MAML3: variants seen among roughly 807,000 people sequenced by gnomAD.
MAML3 encodes mastermind-like protein 3.
Under a neutral mutation model 101.9 loss-of-function variants are expected in MAML3, and 27 were observed. That is an observed-to-expected ratio of 0.27 (90% confidence interval 0.20 to 0.37). The LOEUF is 0.37. Ranked by LOEUF, MAML3 falls within the 10% of genes least tolerant of loss-of-function variation. MAML3 has a pLI of 1.00. For missense variants in MAML3, 1,316 were observed against 1,444.9 expected (o/e 0.91, Z 1.45); for synonymous variants, 501 against 555.9 (o/e 0.90, Z 1.39).
intron 2 of MAML3, among the ~76,000 whole-genome samples, chr4:139,778,549 T>A (rs76182145): frequency 0.013 from 2,039 of 152,344 alleles, 58 homozygotes; most frequent in African/African-American, 0.046. Flanking sequence ...CCTGTCAGGA[T>A]GAATTGAAGT....
chr4:139,793,294 C>T (rs938041397), intron 2 of MAML3, among the ~76,000 whole-genome samples: 13 of 152,168 alleles, frequency 8.5e-5, no homozygotes, highest in African/African-American at 2.4e-4. Context: ...TGTGCGAACT[C>T]CCCGTACAGG....
chr4:139,925,042 T>C (rs1733193358), intron 1 of MAML3, among the ~76,000 whole-genome samples: 1 of 152,136 alleles, frequency 6.6e-6, no homozygotes. Context: ...CAAAACATGA[T>C]TTCAGCTTCC....
chr4:139,944,225 T>C (rs1733663068), intron 1 of MAML3, among the ~76,000 whole-genome samples: 1 of 151,948 alleles, frequency 6.6e-6, no homozygotes, highest in African/African-American at 2.4e-5. Context: ...CATGTGCACA[T>C]TGTGCAGGTT....
chr4:140,084,530 T>C (rs1171441849), intron 1 of MAML3, among the ~76,000 whole-genome samples: 1 of 152,188 alleles, frequency 6.6e-6, no homozygotes, highest in African/African-American at 2.4e-5. Flanking sequence ...GTTTATTTAT[T>C]CCTAAATTCT....
intron 1 of MAML3, among the ~76,000 whole-genome samples, chr4:140,014,071 T>C (rs940821437): frequency 6.6e-6 from 1 of 152,230 alleles, no homozygotes; most frequent in African/African-American, 2.4e-5. Context: ...TGGAACCATC[T>C]TTCTGTGATC....
chr4:140,020,585 C>G (rs1726716684), intron 1 of MAML3, among the ~76,000 whole-genome samples: 4 of 152,106 alleles, frequency 2.6e-5, no homozygotes, highest in Non-Finnish European at 5.9e-5. Flanking sequence ...GCATCAAACT[C>G]TCTTTGTTTA....
intron 1 of MAML3, among the ~76,000 whole-genome samples, chr4:139,922,171 A>G (rs1423054776): frequency 6.6e-6 from 1 of 151,876 alleles, no homozygotes; most frequent in East Asian, 1.9e-4. Context: ...GTTTGGAAAG[A>G]CACCCGCCTG....
chr4:139,982,283 A>G (rs1734458284), intron 1 of MAML3, among the ~76,000 whole-genome samples: 1 of 152,204 alleles, frequency 6.6e-6, no homozygotes, highest in South Asian at 2.1e-4. Flanking sequence ...GCACTTGTTC[A>G]GTTGGCTCCC....
intron 1 of MAML3, among the ~76,000 whole-genome samples, chr4:139,908,370 C>T (rs1732857364): frequency 6.6e-6 from 1 of 152,160 alleles, no homozygotes; most frequent in Non-Finnish European, 1.5e-5. Flanking sequence ...GCTAATTTTG[C>T]ATTTAGCTGT....
Position 139,720,186 on chromosome 4 carries a change from C to T in MAML3, c.2554G>A (p.Ala852Thr). Residue 852 changes from alanine (A) to threonine (T), a missense_variant, in exon 5 of 5, where the codon GCG becomes ACG. By Grantham distance (58) the Ala-to-Thr change is moderately conservative. Transcript: ENST00000509479. ...QNPGTMATAA[A>T]QSEMGLAPYS... ...GGGGCCAGTCCCATCTCCGACTGCG[C>T]AGCTGCGGTGGCCATCGTCCCAGGG... is the stretch of plus-strand genomic sequence containing the variant. The T allele has an allele frequency of 1.2e-6, 2 of 1,614,022 alleles. No homozygotes were observed. The highest frequency in any genetic ancestry group is 1.7e-6 in the Non-Finnish European group (2 of 1,179,868).
At chr4:139,855,970 T>C (rs1423945819) in intron 2 of MAML3, among the ~76,000 whole-genome samples, 1 of 152,350 alleles carries the variant, frequency 6.6e-6, no homozygotes, top group East Asian at 1.9e-4. Flanking sequence ...CCTTCTGCTA[T>C]ACACGGACTC....
chr4:140,121,518 AG>A (rs891381978), intron 1 of MAML3, among the ~76,000 whole-genome samples: 8 of 152,100 alleles, frequency 5.3e-5, no homozygotes, highest in Admixed American at 5.2e-4. Flanking sequence ...GTAGACTCAA[AG>A]TAGAGAGAAA....
chr4:139,966,777 A>G (rs982432974), intron 1 of MAML3, among the ~76,000 whole-genome samples: 1 of 152,188 alleles, frequency 6.6e-6, no homozygotes, highest in African/African-American at 2.4e-5. Flanking sequence ...TTTGGTTAAC[A>G]GGCTTTAAGA....
At chr4:139,811,568 T>C (rs944521303) in intron 2 of MAML3, among the ~76,000 whole-genome samples, 1 of 152,232 alleles carries the variant, frequency 6.6e-6, no homozygotes, top group Non-Finnish European at 1.5e-5. Flanking sequence ...CGTATTACTA[T>C]GGCAGCTCCA....
chr4:139,839,924 C>T (rs1731330507), intron 2 of MAML3, among the ~76,000 whole-genome samples: 1 of 152,138 alleles, frequency 6.6e-6, no homozygotes, highest in Non-Finnish European at 1.5e-5. Context: ...CCAAAAGCAA[C>T]TCTCCCTGCT....
intron 1 of MAML3, among the ~76,000 whole-genome samples, chr4:139,892,665 C>T (rs1011159229): frequency 1.3e-5 from 2 of 151,270 alleles, no homozygotes; most frequent in African/African-American, 4.9e-5. Flanking sequence ...TTTCCACTGT[C>T]TTTAGGTTAA....
intron 1 of MAML3, among the ~76,000 whole-genome samples, chr4:139,912,038 C>A (rs1732935145): frequency 6.6e-6 from 1 of 152,130 alleles, no homozygotes; most frequent in Non-Finnish European, 1.5e-5. Flanking sequence ...CTCTTGTAGA[C>A]CCTGTTTCAG....
intron 2 of MAML3, among the ~76,000 whole-genome samples, chr4:139,789,768 T>G (rs1282823144): frequency 6.6e-6 from 1 of 152,096 alleles, no homozygotes; most frequent in Admixed American, 6.6e-5. Flanking sequence ...TCAAAAGTTG[T>G]TTTTTGTTTG....
intron 1 of MAML3, among the ~76,000 whole-genome samples, chr4:139,956,938 C>G (rs1578616229): frequency 6.6e-6 from 1 of 152,194 alleles, no homozygotes; most frequent in South Asian, 2.1e-4. Context: ...CCATTTTCAC[C>G]CAGCTGCTTA....
Sources: gnomAD v4.1 joint callset for allele counts (sites outside exome capture counted in the v4.1 genomes callset) on GRCh38, gnomAD v4.1.1 for gene constraint, MANE v1.5 for transcripts, NCBI Gene and HGNC (gene_info 2026-07-23, HGNC 2026-07-21) for gene names.